The following DTNA variants were observed in gnomAD, a reference collection of about 807,000 sequenced individuals.
The protein encoded by DTNA is dystrophin-related protein 3.
A neutral mutation model predicts 100.7 loss-of-function variants in DTNA; 43 were observed. The observed-to-expected ratio is 0.43, with a 90% confidence interval of 0.33 to 0.55. DTNA has a LOEUF of 0.55. Among genes scored for constraint, DTNA ranks in the 20% least tolerant of loss-of-function variants. The pLI is 0.04. For synonymous variants in DTNA, 349 were observed against 347.9 expected (o/e 1.00, Z -0.04); for missense variants, 798 against 953.9 (o/e 0.84, Z 2.15).
At chr18:34,657,193 A>G (rs1008577730) in intron 1 of DTNA, among the ~76,000 whole-genome samples, 2 of 152,154 alleles carry the variant, frequency 1.3e-5, no homozygotes, top group Admixed American at 6.6e-5. Flanking sequence ...TAAAGTCTTA[A>G]TCAACATCTT....
At chr18:34,795,715 G>C (rs2149069482) in intron 4 of DTNA, among the ~76,000 whole-genome samples, 1 of 152,238 alleles carries the variant, frequency 6.6e-6, no homozygotes, top group South Asian at 2.1e-4. Context: ...CTAAATCCTG[G>C]AGTACTGCTA....
At chr18:34,625,986 A>C (rs2057268427) in intron 1 of DTNA, among the ~76,000 whole-genome samples, 1 of 152,204 alleles carries the variant, frequency 6.6e-6, no homozygotes, top group African/African-American at 2.4e-5. Flanking sequence ...GTGAATGCCA[A>C]GACAAGGAAT....
At chr18:34,553,399 C>A (rs1302210949) in intron 1 of DTNA, among the ~76,000 whole-genome samples, 1 of 150,256 alleles carries the variant, frequency 6.7e-6, no homozygotes, top group Non-Finnish European at 1.5e-5. Context: ...TCCCATTTGT[C>A]AATTTTGTCT....
At chr18:34,784,887 C>T (rs2094455662) in intron 3 of DTNA, among the ~76,000 whole-genome samples, 1 of 152,028 alleles carries the variant, frequency 6.6e-6, no homozygotes, top group Non-Finnish European at 1.5e-5. Context: ...TATGTTACAG[C>T]CTGCATGTAT....
At chr18:34,885,556 G>A (rs969700740) in intron 22 of DTNA, among the ~76,000 whole-genome samples, 1 of 152,080 alleles carries the variant, frequency 6.6e-6, no homozygotes, top group African/African-American at 2.4e-5. Context: ...AGAACTTTGG[G>A]CAAATTATTA....
At chr18:34,813,771 G>A (rs1461934983) in intron 6 of DTNA, among the ~76,000 whole-genome samples, 4 of 150,708 alleles carry the variant, frequency 2.7e-5, no homozygotes, top group African/African-American at 9.8e-5. Context: ...GAACCCGTGA[G>A]GCAGAGGTTG....
At chr18:34,747,522 G>T (rs1233281203) in intron 1 of DTNA, among the ~76,000 whole-genome samples, 2 of 152,032 alleles carry the variant, frequency 1.3e-5, no homozygotes, top group Admixed American at 6.6e-5. Flanking sequence ...AGTCCCCAAA[G>T]TCCATTATGT....
chr18:34,761,085 C>T (rs905042818), intron 2 of DTNA, among the ~76,000 whole-genome samples: 1 of 151,890 alleles, frequency 6.6e-6, no homozygotes, highest in Non-Finnish European at 1.5e-5. Flanking sequence ...CAGTATCTCT[C>T]TCTTTCTCTC....
intron 1 of DTNA, among the ~76,000 whole-genome samples, chr18:34,501,939 C>T (rs2039970422): frequency 1.3e-5 from 2 of 152,204 alleles, no homozygotes. Flanking sequence ...CACACCCTAA[C>T]AGCTACATTT....
intron 1 of DTNA, among the ~76,000 whole-genome samples, chr18:34,546,933 A>G (rs1461482935): frequency 6.6e-6 from 1 of 151,372 alleles, no homozygotes; most frequent in Non-Finnish European, 1.5e-5. Context: ...CTGGTCTGGA[A>G]CTCCCAACCT....
chr18:34,498,521 G>A (rs1187177479), intron 1 of DTNA, among the ~76,000 whole-genome samples: 5 of 150,942 alleles, frequency 3.3e-5, no homozygotes, highest in African/African-American at 9.7e-5. Flanking sequence ...CAATTTAAAA[G>A]TAGACTTATC....
At chr18:34,820,035 A>G (rs182430170) in intron 8 of DTNA, among the ~76,000 whole-genome samples, 31 of 150,144 alleles carry the variant, frequency 2.1e-4, no homozygotes, top group African/African-American at 7.3e-4. Flanking sequence ...AACCTAATGT[A>G]TGTGGTAGGC....
intron 1 of DTNA, among the ~76,000 whole-genome samples, chr18:34,743,139 T>G (rs2091002501): frequency 6.6e-6 from 1 of 152,148 alleles, no homozygotes; most frequent in Admixed American, 6.5e-5. Flanking sequence ...AGGCAAGAAA[T>G]AAGGGCTGCC....
intron 1 of DTNA, among the ~76,000 whole-genome samples, chr18:34,598,512 C>A (rs2051104645): frequency 6.6e-6 from 1 of 152,088 alleles, no homozygotes; most frequent in South Asian, 2.1e-4. Flanking sequence ...ACAAAGAAAG[C>A]AGTTGAGTGT....
At chr18:34,514,803 A>G (rs1238618987) in intron 1 of DTNA, among the ~76,000 whole-genome samples, 1 of 151,988 alleles carries the variant, frequency 6.6e-6, no homozygotes, top group Non-Finnish European at 1.5e-5. Flanking sequence ...AATTAATACC[A>G]TTGATGAAGG....
intron 1 of DTNA, among the ~76,000 whole-genome samples, chr18:34,581,655 T>A (rs964839987): frequency 1.4e-5 from 2 of 145,362 alleles, no homozygotes; most frequent in Non-Finnish European, 3.0e-5. Context: ...GGAGTCTTGC[T>A]CTGTCACCAG....
intron 1 of DTNA, among the ~76,000 whole-genome samples, chr18:34,503,312 G>T (rs2040140322): frequency 1.9e-5 from 2 of 105,468 alleles, no homozygotes; most frequent in Non-Finnish European, 3.5e-5. Context: ...TTTTGAGACA[G>T]AGTCTCACTC....
chr18:34,508,067 A>C (rs530852451), intron 1 of DTNA, among the ~76,000 whole-genome samples: 1 of 152,214 alleles, frequency 6.6e-6, no homozygotes, highest in Non-Finnish European at 1.5e-5. Context: ...ATTATTTTCT[A>C]TCCTTAACCC....
At chr18:34,887,183 T>TA (rs1006471469) in intron 22 of DTNA, among the ~76,000 whole-genome samples, 5 of 152,140 alleles carry the variant, frequency 3.3e-5, no homozygotes, top group African/African-American at 1.2e-4. Context: ...CATACAATAT[T>TA]AAAAAAAGTG....
Sources: gnomAD v4.1 joint callset for allele counts (sites outside exome capture counted in the v4.1 genomes callset) on GRCh38, gnomAD v4.1.1 for gene constraint, MANE v1.5 for transcripts, NCBI Gene and HGNC (gene_info 2026-07-23, HGNC 2026-07-21) for gene names.